The following SAMD8 variants were observed in gnomAD, a reference collection of about 807,000 sequenced individuals.
SAMD8 encodes the protein sphingomyelin synthase-related protein 1.
SAMD8 carries 20 observed loss-of-function variants against 42.0 expected under a neutral mutation model. That is an observed-to-expected ratio of 0.48 (90% CI 0.34 to 0.69). The LOEUF (loss-of-function observed/expected upper bound fraction) is 0.69, where lower values mean the gene tolerates loss of function less well. Ranked by LOEUF, SAMD8 falls within the 30% of genes least tolerant of loss-of-function variation. SAMD8 has a pLI of 0.01. For synonymous variants in SAMD8, 162 were observed against 173.0 expected, an observed-to-expected ratio of 0.94 and a Z score of 0.50; for missense variants, 328 against 511.6, an observed-to-expected ratio of 0.64 and a Z score of 3.46.
upstream of SAMD8, chr10:75,108,927 C>T (rs1458600259): frequency 2.7e-5 from 41 of 1,502,166 alleles, no homozygotes; most frequent in Non-Finnish European, 3.7e-5. Context: ...TCCTTGTTTC[C>T]ACCCTCCTGT....
At chr10:75,127,054 C>T (rs1459472057) in intron 1 of SAMD8, among the ~76,000 whole-genome samples, 2 of 151,760 alleles carry the variant, frequency 1.3e-5, no homozygotes, top group African/African-American at 2.4e-5. Context: ...TGGAGAGAGG[C>T]GGCTTGTGCC....
intron 1 of SAMD8, among the ~76,000 whole-genome samples, chr10:75,118,231 A>G (rs909055572): frequency 6.6e-6 from 1 of 152,218 alleles, no homozygotes; most frequent in Non-Finnish European, 1.5e-5. Flanking sequence ...CAAAACAGAA[A>G]ATCACCACTA....
At chr10:75,123,229 C>T (rs976782593) in intron 1 of SAMD8, among the ~76,000 whole-genome samples, 4 of 127,738 alleles carry the variant, frequency 3.1e-5, no homozygotes, top group East Asian at 2.7e-4. Context: ...GGGGGTTGGG[C>T]GGGTAAAGGA....
chr10:75,109,898 A>C (rs1848723885), upstream of SAMD8, among the ~76,000 whole-genome samples: 1 of 152,062 alleles, frequency 6.6e-6, no homozygotes, highest in Non-Finnish European at 1.5e-5. Context: ...GCTCACTGCC[A>C]CTACCACCTC....
At chr10:75,121,832 C>T (rs1267175772) in intron 1 of SAMD8, among the ~76,000 whole-genome samples, 1 of 152,070 alleles carries the variant, frequency 6.6e-6, no homozygotes, top group African/African-American at 2.4e-5. Flanking sequence ...GCTAGGATTA[C>T]AGGCATCCAC....
intron 1 of SAMD8, among the ~76,000 whole-genome samples, chr10:75,122,286 G>A (rs897694823): frequency 2.0e-5 from 3 of 152,126 alleles, no homozygotes; most frequent in East Asian, 1.9e-4. Context: ...GGGACATTGT[G>A]CTTCTTTTAA....
rs1841069068 is a variant in SAMD8 at position 75,180,747 on chromosome 10, C to G, written c.*4055C>G. 6.6e-6 allele frequency: 1 copy of G among 152,096 alleles called. No homozygotes were observed. The highest frequency in any genetic ancestry group is 1.5e-5 in the Non-Finnish European group (1 of 68,024). 9.4% of individuals were successfully genotyped at this position (152,096 alleles called of 1,614,324 possible). A position where few individuals can be genotyped will look rare whatever the true frequency, so the allele number is the denominator to read the frequency against. On this transcript the variant is annotated 3_prime_UTR_variant, in exon 6 of 6. Transcript: ENST00000542569. ...TGTTTTTACTAAGAATTCCAGAAATCCTGTAATTTGTAAATGGGAAACAGA... is the reference window on the plus strand; with the variant it reads ...TGTTTTTACTAAGAATTCCAGAAATGCTGTAATTTGTAAATGGGAAACAGA...
chr10:75,118,985 CTATAATA>C (rs1392669109), intron 1 of SAMD8, among the ~76,000 whole-genome samples: 2 of 152,154 alleles, frequency 1.3e-5, no homozygotes, highest in East Asian at 3.8e-4. Context: ...TTCAGTGCAT[CTATAATA>C]TATAATTGCC....
At chr10:75,137,539 C>CAA (rs373211048) in intron 1 of SAMD8, among the ~76,000 whole-genome samples, 7 of 107,280 alleles carry the variant, frequency 6.5e-5, no homozygotes, top group Admixed American at 5.8e-4. Flanking sequence ...GACTCCGTCT[C>CAA]AAAAAAAAAA....
chr10:75,178,292 A>G lies in SAMD8; in HGVS notation c.*1600A>G, dbSNP rs923822854. The G allele has an allele frequency of 3.9e-5, 6 of 152,220 alleles. No individual in the cohort carries two copies. Among genetic ancestry groups the G allele is most frequent in the African/African-American group, 1.4e-4 (6 of 41,452 alleles). The allele number at this position is 152,220 out of a possible 1,614,324, so 9.4% of individuals were successfully genotyped here. On this transcript the variant is annotated 3_prime_UTR_variant, in exon 6 of 6. Transcript: ENST00000542569. ...TTGAGAAATGCTGCAAGGCAATTCA[A>G]CTTTTATGCTTTTAAATCTCACAAC... is the stretch of plus-strand genomic sequence containing the variant.
chr10:75,130,353 A>C (rs1417124865), intron 1 of SAMD8, among the ~76,000 whole-genome samples: 2 of 152,042 alleles, frequency 1.3e-5, no homozygotes, highest in Admixed American at 6.6e-5. Context: ...AATACAAAAA[A>C]AAATTAGCCG....
chr10:75,107,611 C>A (rs1848594287), upstream of SAMD8, among the ~76,000 whole-genome samples: 1 of 152,014 alleles, frequency 6.6e-6, no homozygotes, highest in Non-Finnish European at 1.5e-5. Context: ...GAGTTTCGCC[C>A]TTTTGCCCAG....
chr10:75,176,722 A>ATT lies in SAMD8; in HGVS notation c.*30_*31insTT. Reference sequence around the variant, plus strand: ...TATCTTTCTAATGAATTTGTGATTAAATATATAATAGTTGTTGAAAATGAG... The same window carrying ATT: ...TATCTTTCTAATGAATTTGTGATTAATTATATATAATAGTTGTTGAAAATGAG... On this transcript the variant is annotated 3_prime_UTR_variant, in exon 6 of 6. Coordinates refer to ENST00000542569, the MANE Select transcript of SAMD8 (RefSeq NM_001174156.2). The surrounding 1 kb of genome is among the most constrained non-coding windows in gnomAD (Gnocchi z 4.3). 6.9e-7 allele frequency: 1 copy of ATT among 1,442,252 alleles called. No homozygotes were observed. Among genetic ancestry groups the ATT allele is most frequent in the Non-Finnish European group, 9.3e-7 (1 of 1,078,284 alleles). 89.3% of individuals were successfully genotyped at this position (1,442,252 alleles called of 1,614,324 possible). A position where few individuals can be genotyped will look rare whatever the true frequency, so the allele number is the denominator to read the frequency against.
intron 1 of SAMD8, among the ~76,000 whole-genome samples, chr10:75,146,844 A>G (rs1001911598): frequency 6.6e-6 from 1 of 152,196 alleles, no homozygotes; most frequent in Non-Finnish European, 1.5e-5. Context: ...AATTGGCCCT[A>G]AAGCTTTTTA....
At chr10:75,171,920 G>T (rs1589979344) in intron 4 of SAMD8, among the ~76,000 whole-genome samples, 1 of 151,920 alleles carries the variant, frequency 6.6e-6, no homozygotes, top group East Asian at 1.9e-4. Flanking sequence ...CAGCTACTCG[G>T]GAGGCTGAGG....
intron 1 of SAMD8, among the ~76,000 whole-genome samples, chr10:75,116,518 T>C (rs1848885236): frequency 6.6e-6 from 1 of 152,216 alleles, no homozygotes; most frequent in South Asian, 2.1e-4. Context: ...AGATAAATTC[T>C]AGTTGGAGGT....
At chr10:75,144,989 C>G (rs1210019259) in intron 1 of SAMD8, among the ~76,000 whole-genome samples, 2 of 152,172 alleles carry the variant, frequency 1.3e-5, no homozygotes, top group Non-Finnish European at 2.9e-5. Flanking sequence ...ATTGCTCTTA[C>G]CTTCTGCAGT....
intron 3 of SAMD8, among the ~76,000 whole-genome samples, chr10:75,167,369 C>A (rs961855268): frequency 6.6e-6 from 1 of 151,982 alleles, no homozygotes; most frequent in Non-Finnish European, 1.5e-5. Context: ...CAGTCCTCTC[C>A]CCTCAGCCTA....
chr10:75,100,685 T>TC (rs1353969511), intron 1 of SAMD8, among the ~76,000 whole-genome samples: 1 of 152,124 alleles, frequency 6.6e-6, no homozygotes, highest in East Asian at 1.9e-4. Flanking sequence ...CCTTCCTGCC[T>TC]CCCCCGCTCA....
Sources: gnomAD v4.1 joint callset for allele counts (sites outside exome capture counted in the v4.1 genomes callset) on GRCh38, gnomAD v4.1.1 for gene constraint, Gnocchi (gnomAD v3.1) non-coding constraint, MANE v1.5 for transcripts, NCBI Gene and HGNC (gene_info 2026-07-23, HGNC 2026-07-21) for gene names.